The following RBFOX1 variants were observed in gnomAD, a reference collection of about 807,000 sequenced individuals.
The protein encoded by RBFOX1 is RNA binding protein fox-1 homolog 1.
RBFOX1 carries 8 observed loss-of-function variants against 57.7 expected under a neutral mutation model. The ratio of observed to expected loss-of-function variants is 0.14; its 90% CI spans 0.08 to 0.25. The LOEUF (loss-of-function observed/expected upper bound fraction) is 0.25, where lower values mean the gene tolerates loss of function less well. Among genes scored for constraint, RBFOX1 ranks in the 10% least tolerant of loss-of-function variants. The pLI is 1.00. For missense variants in RBFOX1, 611 were observed against 548.5 expected (o/e 1.11, Z -1.14); for synonymous variants, 326 against 222.4 (o/e 1.47, Z -4.15).
chr16:5,413,733 C>T (rs377425294), intron 1 of RBFOX1, among the ~76,000 whole-genome samples: 2 of 152,130 alleles, frequency 1.3e-5, no homozygotes, highest in African/African-American at 2.4e-5. Context: ...GTATAACCTT[C>T]GTTGTGGGAC....
At chr16:6,966,371 T>A (rs1435682435) in intron 3 of RBFOX1, among the ~76,000 whole-genome samples, 2 of 151,944 alleles carry the variant, frequency 1.3e-5, no homozygotes, top group Non-Finnish European at 2.9e-5. Flanking sequence ...AAAGAAATAA[T>A]AAGTCATGGC....
At chr16:6,869,058 A>G (rs1603634551) in intron 3 of RBFOX1, among the ~76,000 whole-genome samples, 1 of 152,330 alleles carries the variant, frequency 6.6e-6, no homozygotes, top group African/African-American at 2.4e-5. Context: ...CGAATGAGAA[A>G]TAAACTTCCA....
intron 3 of RBFOX1, among the ~76,000 whole-genome samples, chr16:6,859,187 A>ATACGTATACGTATATATATACG (rs2058556499): frequency 8.4e-4 from 54 of 64,000 alleles, no homozygotes; most frequent in African/African-American, 4.0e-3. Context: ...ATATATATGT[A>ATACGTATACGTATATATATACG]TATATATATG....
chr16:6,387,528 G>A (rs990786839), intron 2 of RBFOX1, among the ~76,000 whole-genome samples: 37 of 151,274 alleles, frequency 2.4e-4, no homozygotes, highest in Admixed American at 2.2e-3. Flanking sequence ...AGCCATTAGC[G>A]TCAACTTAAA....
chr16:6,363,455 G>A (rs983622041), intron 2 of RBFOX1, among the ~76,000 whole-genome samples: 8 of 152,300 alleles, frequency 5.3e-5, no homozygotes, highest in East Asian at 3.9e-4. Flanking sequence ...GACTGATCTC[G>A]AGATGTTCTA....
chr16:6,185,908 G>A (rs2097102117), intron 1 of RBFOX1, among the ~76,000 whole-genome samples: 1 of 152,114 alleles, frequency 6.6e-6, no homozygotes, highest in East Asian at 1.9e-4. Context: ...CATAGCAACA[G>A]GGTGTGTTAC....
intron 4 of RBFOX1, among the ~76,000 whole-genome samples, chr16:7,107,223 G>A (rs2063776905): frequency 1.3e-5 from 2 of 152,100 alleles, no homozygotes; most frequent in African/African-American, 4.8e-5. Flanking sequence ...GTGGCTGGTG[G>A]GTATTAAACC....
chr16:6,927,707 G>C (rs768637313), intron 3 of RBFOX1, among the ~76,000 whole-genome samples: 20 of 145,426 alleles, frequency 1.4e-4, no homozygotes, highest in Non-Finnish European at 2.2e-4. Context: ...TTAGGGCACT[G>C]TAGCAAGGCT....
At chr16:6,666,982 C>G (rs973841447) in intron 3 of RBFOX1, among the ~76,000 whole-genome samples, 4 of 152,282 alleles carry the variant, frequency 2.6e-5, no homozygotes, top group African/African-American at 7.2e-5. Flanking sequence ...GCTTCTGACT[C>G]TAGGATGGGT....
In RBFOX1 at chr16:6,694,208, C is replaced by T. The variant is rs565975685; in HGVS notation, c.-16+39558C>T. On this transcript the variant is annotated intron_variant, in intron 3 of 15. Coordinates refer to ENST00000550418, the MANE Select transcript of RBFOX1 (RefSeq NM_018723.4). ...AATCCCTTTAGGGCAACTTCTATTG[C>T]ATATTGTCAGTATTCCACCCATTGT... Among the ~76,000 whole-genome samples the T allele has an allele frequency of 7.0e-4, 107 of 152,264 alleles. 4 individuals are homozygous for T. In the South Asian group the frequency reaches 0.022, roughly 31 times the overall value.
chr16:6,206,402 C>A (rs997263843), intron 1 of RBFOX1, among the ~76,000 whole-genome samples: 1 of 152,154 alleles, frequency 6.6e-6, no homozygotes, highest in Non-Finnish European at 1.5e-5. Flanking sequence ...TGTTCTCAAT[C>A]TCAGTGTGAT....
At chr16:7,412,742 G>A (rs1184483738) in intron 4 of RBFOX1, among the ~76,000 whole-genome samples, 1 of 152,140 alleles carries the variant, frequency 6.6e-6, no homozygotes, top group East Asian at 1.9e-4. Context: ...TTCCCAGGCT[G>A]ATTTAATCAT....
rs184835015 is a variant in RBFOX1 at position 7,157,097 on chromosome 16, C to T, written c.27+104999C>T. On this transcript the variant is annotated intron_variant, in intron 4 of 15. Coordinates refer to ENST00000550418, the MANE Select transcript of RBFOX1 (RefSeq NM_018723.4). ...TATGCTACTAAATATTCAGCCACTT[C>T]CATGCTATTGAGTGTGGGAGAAAGC... 2.4e-3 allele frequency among the ~76,000 whole-genome samples: 366 copies of T among 152,294 alleles called. 5 individuals carry two copies. Among genetic ancestry groups the T allele is most frequent in the Non-Finnish European group, 3.8e-3 (257 of 68,016 alleles).
chr16:6,110,824 T>A (rs1228498935), intron 1 of RBFOX1, among the ~76,000 whole-genome samples: 1 of 152,082 alleles, frequency 6.6e-6, no homozygotes, highest in Non-Finnish European at 1.5e-5. Context: ...CATTAGTGGG[T>A]AGAGGCCAGA....
intron 3 of RBFOX1, among the ~76,000 whole-genome samples, chr16:5,837,145 C>G (rs183588057): frequency 1.3e-5 from 2 of 152,206 alleles, no homozygotes; most frequent in Admixed American, 6.5e-5. Context: ...GCTCAAATCC[C>G]CCTGGAATCC....
intron 1 of RBFOX1, among the ~76,000 whole-genome samples, chr16:5,243,931 C>T (rs1424081814): frequency 6.6e-6 from 1 of 151,912 alleles, no homozygotes; most frequent in Non-Finnish European, 1.5e-5. Flanking sequence ...GAGTCTTACT[C>T]TGTTGCCCAG....
At chr16:7,463,493 G>C (rs928158958) in intron 4 of RBFOX1, among the ~76,000 whole-genome samples, 42 of 152,124 alleles carry the variant, frequency 2.8e-4, no homozygotes, top group Middle Eastern at 3.2e-3. Flanking sequence ...GACAGAGTGA[G>C]ACTTGGTCTC....
At chr16:5,708,829 G>A (rs1228051211) in intron 3 of RBFOX1, among the ~76,000 whole-genome samples, 1 of 152,098 alleles carries the variant, frequency 6.6e-6, no homozygotes, top group Admixed American at 6.6e-5. Context: ...GCTGCCATGG[G>A]CCACAATTTC....
chr16:6,226,374 C>CAAAAAAAAAAAAAA (rs368116983), intron 1 of RBFOX1, among the ~76,000 whole-genome samples: 1 of 86,566 alleles, frequency 1.2e-5, no homozygotes, highest in Non-Finnish European at 2.0e-5. Flanking sequence ...ACTCTGTCTC[C>CAAAAAAAAAAAAAA]AAAAAAAAAA....
Sources: gnomAD v4.1 joint callset for allele counts (sites outside exome capture counted in the v4.1 genomes callset) on GRCh38, gnomAD v4.1.1 for gene constraint, MANE v1.5 for transcripts, NCBI Gene and HGNC (gene_info 2026-07-23, HGNC 2026-07-21) for gene names.